ITPKA: variants seen among roughly 807,000 people sequenced by gnomAD.
The protein encoded by ITPKA is IP3 3-kinase A.
A neutral mutation model predicts 40.7 loss-of-function variants in ITPKA; 16 were observed. The ratio of observed to expected loss-of-function variants is 0.39; its 90% CI spans 0.27 to 0.60. The LOEUF is 0.60. Among genes scored for constraint, ITPKA ranks in the 20% least tolerant of loss-of-function variants. The pLI, the probability that ITPKA is intolerant of heterozygous loss-of-function variation, is 0.50. For missense variants in ITPKA, 540 were observed against 649.3 expected (o/e 0.83, Z 1.83); for synonymous variants, 313 against 289.9 (o/e 1.08, Z -0.81).
chr15:41,495,237 C>A (rs1360510181), intron 1 of ITPKA, among the ~76,000 whole-genome samples: 3 of 152,206 alleles, frequency 2.0e-5, no homozygotes, highest in Admixed American at 6.5e-5. Context: ...TCCTTGTTCC[C>A]CTCGTTTTAA....
Position 41,502,879 on chromosome 15 carries a change from GTGCCCGGGCCGCGAGGGC to G in ITPKA, c.1182+22_1182+39del, listed in dbSNP as rs1566859090. On this transcript the variant is annotated intron_variant, in intron 6 of 6. Transcript: ENST00000260386. The stretch of plus-strand genomic sequence containing the variant: ...CACGAGGTAAGCGGCGGCTGCCCGG[GTGCCCGGGCCGCGAGGGC>G]TAGGGCGGGAACCCGGCAAGGGCGT... 6.2e-7 allele frequency: 1 copy of G among 1,610,484 alleles called. No homozygotes were observed. The highest frequency in any genetic ancestry group is 1.7e-5 in the Admixed American group (1 of 59,760).
chr15:41,498,368 G>A (rs1225399632), intron 1 of ITPKA, among the ~76,000 whole-genome samples: 3 of 151,486 alleles, frequency 2.0e-5, no homozygotes, highest in Non-Finnish European at 2.9e-5. Flanking sequence ...CTTAGTTGCT[G>A]CTGCTCTTGA....
chr15:41,501,343 C>G (rs1183965106), intron 1 of ITPKA, 120 bp from the exon 2 acceptor site: 5 of 1,484,464 alleles, frequency 3.4e-6, no homozygotes, highest in African/African-American at 1.4e-5. Flanking sequence ...GAATTAATGA[C>G]TCATCCAGCC....
chr15:41,494,166 C>G lies in ITPKA; in HGVS notation c.239C>G (p.Pro80Arg). 1 of 1,511,692 alleles carries G rather than the reference C, an allele frequency of 6.6e-7. No individual in the cohort carries two copies. The highest frequency in any genetic ancestry group is 8.8e-7 in the Non-Finnish European group (1 of 1,137,530). The allele number at this position is 1,511,692 out of a possible 1,614,324, so 93.6% of individuals were successfully genotyped here. A position where few individuals can be genotyped will look rare whatever the true frequency, so the allele number is the denominator to read the frequency against. ...CGGGCTCCCCCGGCCCCGGTGATCCCTCAGCTGACCGTGACAGCCGAGGAG... is the reference window on the plus strand; with the variant it reads ...CGGGCTCCCCCGGCCCCGGTGATCCGTCAGCTGACCGTGACAGCCGAGGAG... ...LPRAPPAPVI[P>R]QLTVTAEEPD... Residue 80 changes from proline (P) to arginine (R), a missense_variant, in exon 1 of 7, where the codon CCT becomes CGT. By Grantham distance (103) the Pro-to-Arg change is moderately radical. Transcript: ENST00000260386. This position sits in a 1 kb window ranked among gnomAD's most constrained non-coding sequence, Gnocchi z 7.8.
At chr15:41,496,269 G>C (rs970195651) in intron 1 of ITPKA, among the ~76,000 whole-genome samples, 1 of 152,256 alleles carries the variant, frequency 6.6e-6, no homozygotes, top group Non-Finnish European at 1.5e-5. Context: ...CCGGCTGACC[G>C]TGAAGGATGC....
chr15:41,503,269 C>A lies in ITPKA; in HGVS notation c.*103C>A. The A allele has an allele frequency of 1.1e-6, 1 of 872,674 alleles. No homozygotes were observed. 54.1% of individuals were successfully genotyped at this position (872,674 alleles called of 1,614,324 possible). On this transcript the variant is annotated 3_prime_UTR_variant, in exon 7 of 7. Coordinates refer to ENST00000260386, the MANE Select transcript of ITPKA (RefSeq NM_002220.3). ...GAGACTGGAGCCCCGCGGTGCAGGG[C>A]AGTTCACCGGGTCCTGCAGGACCAG...
intron 5 of ITPKA, 122 bp downstream of exon 5, chr15:41,502,625 C>A: frequency 1.1e-6 from 1 of 914,574 alleles, no homozygotes; most frequent in Non-Finnish European, 1.7e-6. Flanking sequence ...TGGCTCGCAA[C>A]TGCTCTACGC....
At position 41,503,143 on chromosome 15, in the gene ITPKA, C is replaced by T. The variant is rs769168955; in HGVS notation, c.1363C>T (p.Leu455=). The change falls in exon 7 of 7, where the codon CTG becomes TTG. Residue 455 remains leucine, a synonymous_variant. Transcript: ENST00000260386. ...GGGGCTGGACAATCTCATTGGCATC[C>T]TGGCCAGCCTGGCTGAGAGATGAGG... ...LLGLDNLIGI[L]ASLAER is the part of the protein sequence containing the mutation. The T allele has an allele frequency of 6.3e-7, 1 of 1,589,016 alleles. No homozygotes were observed. Among genetic ancestry groups the T allele is most frequent in the Admixed American group, 1.7e-5 (1 of 59,144 alleles).
chr15:41,495,022 C>T (rs532254352), intron 1 of ITPKA, among the ~76,000 whole-genome samples: 21 of 152,322 alleles, frequency 1.4e-4, no homozygotes, highest in African/African-American at 4.3e-4. Flanking sequence ...CCCTGCCTCC[C>T]ATCTTCCCGG....
intron 1 of ITPKA, 152 bp from the exon 2 acceptor site, chr15:41,501,311 A>T: frequency 6.9e-7 from 1 of 1,454,540 alleles, no homozygotes; most frequent in Non-Finnish European, 9.1e-7. Context: ...CGCACAAATA[A>T]ACCTTCCCAG....
intron 1 of ITPKA, among the ~76,000 whole-genome samples, chr15:41,495,356 C>A (rs1193155737): frequency 2.0e-5 from 3 of 152,242 alleles, no homozygotes; most frequent in Non-Finnish European, 2.9e-5. Context: ...GGGGCGCCCC[C>A]GGCCTCGGGC....
At chr15:41,500,740 G>T (rs1595449327) in intron 1 of ITPKA, among the ~76,000 whole-genome samples, 1 of 152,100 alleles carries the variant, frequency 6.6e-6, no homozygotes, top group South Asian at 2.1e-4. Flanking sequence ...GGGCCTGGTG[G>T]CTCACACCTG....
At chr15:41,495,909 C>G (rs2051067453) in intron 1 of ITPKA, among the ~76,000 whole-genome samples, 1 of 152,354 alleles carries the variant, frequency 6.6e-6, no homozygotes, top group Admixed American at 6.5e-5. Flanking sequence ...GGAGGAGGTC[C>G]TGCGGCCCAA....
In ITPKA at chr15:41,502,812, C is replaced by T. The variant is rs2051129092; in HGVS notation, c.1135C>T (p.Gln379Ter). 1 of 1,612,072 alleles carries T rather than the reference C, an allele frequency of 6.2e-7. No individual in the cohort carries two copies. Among genetic ancestry groups the T allele is most frequent in the Admixed American group, 1.7e-5 (1 of 59,854 alleles). ...VLRRYLNRLQQIRDTLEVSEF... is the reference protein window; with the variant it reads ...VLRRYLNRLQ The stretch of plus-strand genomic sequence containing the variant: ...GAGGCGGTATCTGAACCGCCTGCAG[C>T]AGATCCGGGACACCCTGGAGGTATC... Residue 379 changes from glutamine (Q) to a stop codon, truncating the protein, a stop_gained, in exon 6 of 7, where the codon CAG (glutamine) becomes TAG (stop). Transcript: ENST00000260386. LOFTEE classifies it high-confidence loss of function.
chr15:41,497,103 C>T lies in ITPKA; in HGVS notation c.489+2687C>T, dbSNP rs990595165. On this transcript the variant is annotated intron_variant, in intron 1 of 6. Transcript: ENST00000260386. ...ACAAAGGAGGGTCTGAGGCTAGTAT[C>T]CAGCCAAGCCCTGCCCAGAGAGAGG... Among the ~76,000 whole-genome samples, 4 of 152,198 alleles carry T rather than the reference C, an allele frequency of 2.6e-5. No individual in the cohort carries two copies. The South Asian group carries it at 8.3e-4, about 32-fold the overall frequency.
At chr15:41,502,321 A>G in intron 4 of ITPKA, 81 bp from the exon 5 acceptor site, 4 of 1,385,866 alleles carry the variant, frequency 2.9e-6, no homozygotes, top group South Asian at 2.4e-5. Context: ...GTCCCCTGCA[A>G]CTGGGAGGTA....
Position 41,502,494 on chromosome 15 carries a change from G to T in ITPKA, c.1101G>T (p.Glu367Asp). 1 of 1,575,720 alleles carries T rather than the reference G, an allele frequency of 6.3e-7. No homozygotes were observed. Among genetic ancestry groups the T allele is most frequent in the Non-Finnish European group, 8.7e-7 (1 of 1,146,140 alleles). ...RVFEEFVQGD[E>D]EVLRRYLNRL... is the part of the protein sequence containing the mutation. ...TTGAAGAGTTTGTGCAAGGAGATGA[G>T]GAAGTGCTGGTGAGAGCGGGATCCC... The change falls in exon 5 of 7, where the codon GAG (glutamate) becomes GAT (aspartate). Residue 367 changes from glutamate (E) to aspartate (D), a missense_variant. Coordinates refer to ENST00000260386, the MANE Select transcript of ITPKA (RefSeq NM_002220.3).
chr15:41,502,901 G>A, intron 6 of ITPKA, 42 bp downstream of exon 6: 1 of 1,607,496 alleles, frequency 6.2e-7, no homozygotes, highest in Non-Finnish European at 8.5e-7. Flanking sequence ...CGAGGGCTAG[G>A]GCGGGAACCC....
At chr15:41,496,615 GT>G (rs1595447903) in intron 1 of ITPKA, among the ~76,000 whole-genome samples, 1 of 152,336 alleles carries the variant, frequency 6.6e-6, no homozygotes, top group East Asian at 1.9e-4. Context: ...AAAAGAGAGG[GT>G]GTTTGGCTCC....
Sources: allele counts gnomAD v4.1 joint callset (sites outside exome capture counted in the v4.1 genomes callset), GRCh38; gene constraint gnomAD v4.1.1; non-coding constraint Gnocchi (gnomAD v3.1); transcripts MANE v1.5; gene names NCBI Gene and HGNC (gene_info 2026-07-23, HGNC 2026-07-21).